Variants in NRG1 observed in about 807,000 individuals in gnomAD.
The protein encoded by NRG1 is neuregulin 1, also known as pro-neuregulin-1, membrane-bound isoform.
A neutral mutation model predicts 63.8 loss-of-function variants in NRG1; 18 were observed. The ratio of observed to expected loss-of-function variants is 0.28; its 90% CI spans 0.19 to 0.42. NRG1 has a LOEUF of 0.42. Ranked by LOEUF, NRG1 falls within the 10% of genes least tolerant of loss-of-function variation. The probability of loss-of-function intolerance (pLI) is 1.00; values close to 1 mark genes in which losing one functional copy is unlikely to be tolerated. For synonymous variants in NRG1, 302 were observed against 301.3 expected (o/e 1.00, Z -0.02); for missense variants, 762 against 814.7 (o/e 0.94, Z 0.79).
chr8:32,508,054 T>A (rs1033417599), intron 1 of NRG1, among the ~76,000 whole-genome samples: 2 of 152,182 alleles, frequency 1.3e-5, no homozygotes, highest in African/African-American at 4.8e-5. Context: ...TGTCCATTCA[T>A]AGAAGATGGG....
chr8:32,553,096 A>G (rs914410441), intron 1 of NRG1, among the ~76,000 whole-genome samples: 7 of 152,208 alleles, frequency 4.6e-5, no homozygotes, highest in African/African-American at 1.7e-4. Flanking sequence ...CTGGGTTTAA[A>G]TCCTAATTAG....
rs192425376 is a variant in NRG1, at chr8:32,069,711, G to T, written c.37+430280G>T. Reference sequence around the variant, plus strand: ...CATCAACCCATGATAGAACCCAAGGGTGCAGAAACCTATGATAGAAAGCAA... The same window carrying T: ...CATCAACCCATGATAGAACCCAAGGTTGCAGAAACCTATGATAGAAAGCAA... On this transcript the variant is annotated intron_variant, in intron 1 of 10. Coordinates refer to the NRG1 transcript ENST00000519301. Among the ~76,000 whole-genome samples the T allele has an allele frequency of 1.3e-3, 194 of 152,226 alleles. 1 individual carries two copies. Among genetic ancestry groups the T allele is most frequent in the Non-Finnish European group, 2.4e-3 (162 of 68,006 alleles).
At chr8:32,364,189 T>A (rs1365771528) in intron 1 of NRG1, among the ~76,000 whole-genome samples, 1 of 149,116 alleles carries the variant, frequency 6.7e-6, no homozygotes, top group Non-Finnish European at 1.5e-5. Context: ...CTAAGATAGA[T>A]GATTGATAGA....
intron 1 of NRG1, among the ~76,000 whole-genome samples, chr8:32,108,473 G>A (rs977134900): frequency 2.6e-5 from 4 of 152,100 alleles, no homozygotes; most frequent in East Asian, 1.9e-4. Flanking sequence ...GGCCTTAATC[G>A]CATTCGTGAG....
At chr8:31,899,636 C>T (rs1831905456) in intron 1 of NRG1, among the ~76,000 whole-genome samples, 1 of 152,012 alleles carries the variant, frequency 6.6e-6, no homozygotes, top group Admixed American at 6.6e-5. Context: ...TTGTGCAAAC[C>T]TCAGCCTATA....
chr8:32,259,381 G>A (rs1586456110), intron 1 of NRG1, among the ~76,000 whole-genome samples: 1 of 152,112 alleles, frequency 6.6e-6, no homozygotes, highest in Non-Finnish European at 1.5e-5. Context: ...GTGGGAGAGG[G>A]TTCCTGATAA....
chr8:31,750,991 T>G (rs1284699271), intron 1 of NRG1, among the ~76,000 whole-genome samples: 1 of 152,022 alleles, frequency 6.6e-6, no homozygotes, highest in Admixed American at 6.6e-5. Context: ...TGAAGAATTA[T>G]GGGCTCCCAA....
At chr8:32,533,844 C>G (rs1183496914) in intron 1 of NRG1, among the ~76,000 whole-genome samples, 1 of 152,026 alleles carries the variant, frequency 6.6e-6, no homozygotes, top group African/African-American at 2.4e-5. Context: ...ATGCAGATAG[C>G]GCTTTGATCA....
At chr8:32,369,934 C>A (rs924884209) in intron 1 of NRG1, among the ~76,000 whole-genome samples, 1 of 151,718 alleles carries the variant, frequency 6.6e-6, no homozygotes, top group African/African-American at 2.4e-5. Context: ...GGCTGTGATC[C>A]CAAAACAGGG....
chr8:32,109,882 G>T (rs1350326303), intron 1 of NRG1, among the ~76,000 whole-genome samples: 1 of 152,108 alleles, frequency 6.6e-6, no homozygotes, highest in East Asian at 1.9e-4. Context: ...CCTCTAGGTT[G>T]CTAGAAAGCT....
At chr8:32,499,819 G>A (rs916403968) in intron 1 of NRG1, among the ~76,000 whole-genome samples, 1 of 152,178 alleles carries the variant, frequency 6.6e-6, no homozygotes, top group Non-Finnish European at 1.5e-5. Context: ...CCAAACTACG[G>A]TAGTGATAAT....
intron 1 of NRG1, among the ~76,000 whole-genome samples, chr8:32,458,110 G>T (rs113287513): frequency 4.6e-5 from 7 of 152,122 alleles, no homozygotes; most frequent in African/African-American, 1.7e-4. Flanking sequence ...TAGAGACGGG[G>T]TTTCACTATG....
intron 1 of NRG1, among the ~76,000 whole-genome samples, chr8:31,644,198 C>T (rs1157941240): frequency 6.6e-6 from 1 of 152,068 alleles, no homozygotes; most frequent in East Asian, 1.9e-4. Context: ...AGCCTGACTG[C>T]TTGTATGTTG....
At chr8:31,985,866 A>G (rs1328754671) in intron 1 of NRG1, among the ~76,000 whole-genome samples, 1 of 152,066 alleles carries the variant, frequency 6.6e-6, no homozygotes, top group Non-Finnish European at 1.5e-5. Flanking sequence ...AGAGTTATTG[A>G]TGATGTATCC....
At chr8:32,337,861 GAGA>G (rs1803524416) in intron 1 of NRG1, among the ~76,000 whole-genome samples, 1 of 152,028 alleles carries the variant, frequency 6.6e-6, no homozygotes, top group Non-Finnish European at 1.5e-5. Context: ...TCTCAGAAAT[GAGA>G]AGATTTAGGA....
At chr8:32,614,778 A>G (rs1334435827) in intron 4 of NRG1, among the ~76,000 whole-genome samples, 2 of 152,124 alleles carry the variant, frequency 1.3e-5, no homozygotes, top group African/African-American at 4.8e-5. Context: ...CCTGAGAAAC[A>G]TACATGAGTG....
intron 1 of NRG1, among the ~76,000 whole-genome samples, chr8:32,252,689 G>C (rs905234861): frequency 1.3e-5 from 2 of 152,200 alleles, no homozygotes; most frequent in South Asian, 4.2e-4. Flanking sequence ...CTCTCTTTTG[G>C]TTCCATATGA....
intron 1 of NRG1, among the ~76,000 whole-genome samples, chr8:32,392,780 G>A (rs1392450945): frequency 6.6e-6 from 1 of 152,122 alleles, no homozygotes; most frequent in East Asian, 1.9e-4. Flanking sequence ...GTGATAAAAT[G>A]AGTCTTAAGT....
chr8:31,662,392 T>C (rs1325097081), intron 1 of NRG1, among the ~76,000 whole-genome samples: 1 of 152,204 alleles, frequency 6.6e-6, no homozygotes, highest in Non-Finnish European at 1.5e-5. Context: ...TGAAGGACTG[T>C]GAAAAAGCTG....
Sources: gnomAD v4.1 joint callset for allele counts (sites outside exome capture counted in the v4.1 genomes callset) on GRCh38, gnomAD v4.1.1 for gene constraint, MANE v1.5 for transcripts, NCBI Gene and HGNC (gene_info 2026-07-23, HGNC 2026-07-21) for gene names.